The following MACF1 variants were observed in gnomAD, a reference collection of about 807,000 sequenced individuals.
MACF1 encodes microtubule-actin cross-linking factor 1.
A neutral mutation model predicts 854.8 loss-of-function variants in MACF1; 193 were observed. The observed-to-expected ratio is 0.23, with a 90% CI of 0.20 to 0.25. The LOEUF (loss-of-function observed/expected upper bound fraction) is 0.25. MACF1 is among the 10% of genes least tolerant of loss of function. MACF1 has a pLI of 1.00. For synonymous variants in MACF1, 3,185 were observed against 3,226.7 expected, an observed-to-expected ratio of 0.99 and a Z score of 0.44; for missense variants, 7,722 against 8,929.1, an observed-to-expected ratio of 0.86 and a Z score of 5.45.
chr1:39,423,991 G>A, intron 60 of MACF1, 37 bp from the exon 61 acceptor site: 1 of 1,519,022 alleles, frequency 6.6e-7, no homozygotes, highest in Non-Finnish European at 8.9e-7. Flanking sequence ...ATTTCAAAAT[G>A]ATCCTGTGTT....
chr1:39,270,054 G>T (rs1246516687), intron 6 of MACF1, among the ~76,000 whole-genome samples: 1 of 152,224 alleles, frequency 6.6e-6, no homozygotes, highest in Non-Finnish European at 1.5e-5. Flanking sequence ...GCTACGAGAA[G>T]TTGTAATGTA....
intron 2 of MACF1, among the ~76,000 whole-genome samples, chr1:39,088,095 C>T (rs2148118150): frequency 6.6e-6 from 1 of 152,256 alleles, no homozygotes; most frequent in African/African-American, 2.4e-5. Context: ...GCCTCAGCCT[C>T]CTGAGCAGCT....
intron 2 of MACF1, among the ~76,000 whole-genome samples, chr1:39,232,390 A>G (rs1254386497): frequency 6.6e-6 from 1 of 151,918 alleles, no homozygotes; most frequent in African/African-American, 2.4e-5. Flanking sequence ...ACTGTCGTCT[A>G]CTCCTTAAAA....
At chr1:39,294,633 A>G (rs1645863808) in intron 18 of MACF1, among the ~76,000 whole-genome samples, 1 of 152,216 alleles carries the variant, frequency 6.6e-6, no homozygotes, top group South Asian at 2.1e-4. Context: ...TGAGTCCTGC[A>G]GTTAATAGAA....
chr1:39,246,011 C>T (rs540179174), intron 2 of MACF1, among the ~76,000 whole-genome samples: 70 of 152,326 alleles, frequency 4.6e-4, no homozygotes, highest in African/African-American at 1.4e-3. Flanking sequence ...TAGTCTTTAT[C>T]CTCCTTGACT....
At chr1:39,351,166 T>C in intron 43 of MACF1, 148 bp downstream of exon 43, 1 of 594,754 alleles carries the variant, frequency 1.7e-6, no homozygotes. Context: ...GTTTTTGTTT[T>C]TTGAGACGGA....
intron 6 of MACF1, among the ~76,000 whole-genome samples, chr1:39,278,577 T>C (rs559047546): frequency 6.6e-6 from 1 of 152,336 alleles, no homozygotes; most frequent in African/African-American, 2.4e-5. Flanking sequence ...TACTCAGATT[T>C]TGTTTTGCTT....
chr1:39,442,472 A>G lies in MACF1; in HGVS notation c.19009A>G (p.Met6337Val). 1 of 1,614,204 alleles carries G rather than the reference A, an allele frequency of 6.2e-7. No individual in the cohort carries two copies. Among genetic ancestry groups the G allele is most frequent in the Non-Finnish European group, 8.5e-7 (1 of 1,180,028 alleles). Residue 6337 changes from methionine to valine, a missense_variant, in exon 77 of 101, where the codon ATG becomes GTG. Coordinates refer to ENST00000564288, the MANE Select transcript of MACF1 (RefSeq NM_001394062.1). ...GTTCCAGCATGCCTTAGAGGAACTAATGAGTTGGCTGACTCATACCGAAGA... is the reference window on the plus strand; with the variant it reads ...GTTCCAGCATGCCTTAGAGGAACTAGTGAGTTGGCTGACTCATACCGAAGA... The part of the protein sequence containing the change: ...GQFQHALEEL[M>V]SWLTHTEELL...
chr1:39,393,288 T>C, intron 58 of MACF1, among the ~76,000 whole-genome samples: 1 of 149,808 alleles, frequency 6.7e-6, no homozygotes, highest in Non-Finnish European at 1.5e-5. Context: ...AGGTTTTACT[T>C]GAACTGAGAT....
At chr1:39,234,927 T>G (rs1449249377) in intron 2 of MACF1, among the ~76,000 whole-genome samples, 1 of 149,396 alleles carries the variant, frequency 6.7e-6, no homozygotes, top group African/African-American at 2.5e-5. Context: ...GCAGAGACGC[T>G]CCTCACTTCC....
At chr1:39,439,155 T>C (rs1644048343) in intron 71 of MACF1, 119 bp from the exon 72 acceptor site, 1 of 567,718 alleles carries the variant, frequency 1.8e-6, no homozygotes, top group South Asian at 2.7e-5. Context: ...TATAAATGCT[T>C]AGCATTTTTT....
At position 39,448,070 on chromosome 1, in the gene MACF1, A is replaced by C; in HGVS notation, c.20006A>C (p.Glu6669Ala). 3.1e-6 allele frequency: 5 copies of C among 1,614,162 alleles called. No homozygotes were observed. Among genetic ancestry groups the C allele is most frequent in the South Asian group, 1.1e-5 (1 of 91,076 alleles). ...EAWKKLIDWL[E>A]DAESHLDSEL... ...TGGAAAAAACTGATTGACTGGCTAGAAGATGCAGAGAGTCACCTGGACTCA... is the reference window on the plus strand; with the variant it reads ...TGGAAAAAACTGATTGACTGGCTAGCAGATGCAGAGAGTCACCTGGACTCA... Residue 6669 changes from glutamate to alanine, a missense_variant, in exon 83 of 101, where the codon GAA becomes GCA. Coordinates refer to ENST00000564288, the MANE Select transcript of MACF1 (RefSeq NM_001394062.1).
chr1:39,452,645 G>A (rs751722820), intron 86 of MACF1, 39 bp from the exon 87 acceptor site: 22 of 1,611,086 alleles, frequency 1.4e-5, no homozygotes, highest in Admixed American at 3.3e-5. Context: ...GTCCTTGGCT[G>A]CAGAGAGAGG....
intron 88 of MACF1, among the ~76,000 whole-genome samples, chr1:39,454,117 T>G (rs1221839871): frequency 6.6e-6 from 1 of 152,228 alleles, no homozygotes; most frequent in African/African-American, 2.4e-5. Flanking sequence ...GTTAACAGGA[T>G]GTACAGCTGA....
rs1643831365 is a variant in MACF1 at position 39,162,955 on chromosome 1, G to T, written c.221-68227G>T. Among the ~76,000 whole-genome samples the T allele has an allele frequency of 3.9e-5, 6 of 152,014 alleles. No individual in the cohort carries two copies. The South Asian group carries it at 1.2e-3, about 32-fold the overall frequency. On this transcript the variant is annotated intron_variant, in intron 2 of 93. Coordinates refer to the MACF1 transcript ENST00000361689. The stretch of plus-strand genomic sequence containing the variant: ...AAATGTCCTTCAGTAGTCACCATAG[G>T]AGGTTAAAAAAATATTCTAACAATG...
chr1:39,232,652 G>A (rs78480148), intron 2 of MACF1, among the ~76,000 whole-genome samples: 2,966 of 152,010 alleles, frequency 0.02, 52 homozygotes, highest in Non-Finnish European at 0.029. Context: ...AGTAGAAATG[G>A]ATATGGGATG....
At chr1:39,377,230 C>G (rs755855105) in intron 52 of MACF1, among the ~76,000 whole-genome samples, 2 of 151,834 alleles carry the variant, frequency 1.3e-5, no homozygotes, top group East Asian at 3.9e-4. Flanking sequence ...AGGCTGGTCT[C>G]GAACCTCCTG....
At chr1:39,327,037 A>G (rs1646627875) in intron 35 of MACF1, among the ~76,000 whole-genome samples, 181 bp from the exon 36 acceptor site, 1 of 152,194 alleles carries the variant, frequency 6.6e-6, no homozygotes. Context: ...CATTGACATC[A>G]TCAAGAACCA....
In MACF1 at chr1:39,084,280, G is replaced by A. The variant is rs1297203426; in HGVS notation, c.62G>A (p.Arg21Gln). The A allele has an allele frequency of 3.3e-5, 53 of 1,613,814 alleles. No individual in the cohort carries two copies. The highest frequency in any genetic ancestry group is 4.2e-5 in the Non-Finnish European group (50 of 1,179,988). Residue 21 changes from arginine (R) to glutamine (Q), a missense_variant, in exon 2 of 94, where the codon CGG becomes CAG. Coordinates refer to the MACF1 transcript ENST00000361689. This position sits in a 1 kb window ranked among gnomAD's most constrained non-coding sequence, Gnocchi z 5.2. The stretch of plus-strand genomic sequence containing the variant: ...TCATGTCGGAGTGAGCGGTCTTGTC[G>A]GAGTGAGCGATCTTACAGGAGCGAG...
Sources: allele counts gnomAD v4.1 joint callset (sites outside exome capture counted in the v4.1 genomes callset), GRCh38; gene constraint gnomAD v4.1.1; non-coding constraint Gnocchi (gnomAD v3.1); transcripts MANE v1.5; gene names NCBI Gene and HGNC (gene_info 2026-07-23, HGNC 2026-07-21).